MYCBP: variants seen among roughly 807,000 people sequenced by gnomAD.
MYCBP encodes the protein C-Myc-binding protein.
In MYCBP, 5 loss-of-function variants were observed where a neutral mutation model predicts 16.8. The observed-to-expected ratio is 0.30, with a 90% CI of 0.16 to 0.63. The LOEUF (loss-of-function observed/expected upper bound fraction) is 0.63, where lower values mean the gene tolerates loss of function less well. Ranked by LOEUF, MYCBP falls within the 20% of genes least tolerant of loss-of-function variation. The pLI, the probability that MYCBP is intolerant of heterozygous loss-of-function variation, is 0.83. For missense variants in MYCBP, 103 were observed against 121.8 expected (o/e 0.85, Z 0.73); for synonymous variants, 35 against 43.7 (o/e 0.80, Z 0.79).
chr1:38,872,083 T>C (rs1642477959), intron 2 of MYCBP, among the ~76,000 whole-genome samples: 1 of 152,188 alleles, frequency 6.6e-6, no homozygotes, highest in Non-Finnish European at 1.5e-5. Flanking sequence ...TTACTAGCCT[T>C]CTTTCTTCTA....
chr1:38,862,765 G>T lies in MYCBP; in HGVS notation c.*1905C>A, dbSNP rs1277007864. Among the ~76,000 whole-genome samples, 3 of 152,190 alleles carry T rather than the reference G, an allele frequency of 2.0e-5. No individual in the cohort carries two copies. The highest frequency in any genetic ancestry group is 7.2e-5 in the African/African-American group (3 of 41,446). On this transcript the variant is annotated 3_prime_UTR_variant, in exon 5 of 5. Coordinates refer to ENST00000397572, the MANE Select transcript of MYCBP (RefSeq NM_012333.5). ...TTAAGCAAGTCAGTTTCACCTAAAA[G>T]TGTGATTATCCAACCCACATGTTGC...
rs745407391 is a variant in MYCBP, at chr1:38,864,706, C to T, written c.276G>A (p.Gln92=). 8.7e-6 allele frequency: 14 copies of T among 1,613,850 alleles called. No homozygotes were observed. The highest frequency in any genetic ancestry group is 1.7e-5 in the Admixed American group (1 of 60,020). Reference sequence around the variant, plus strand: ...GCTTCTCCTCCTGAGGTGGTTCATACTGAGCAAGCTATGGGGCAAAGACAG... The same window carrying T: ...GCTTCTCCTCCTGAGGTGGTTCATATTGAGCAAGCTATGGGGCAAAGACAG... The part of the protein sequence containing the change: ...ENKKLKAKLA[Q]YEPPQEEKRA... The change falls in exon 5 of 5, where the codon CAG becomes CAA. Residue 92 remains glutamine (Q), a synonymous_variant. Coordinates refer to ENST00000397572, the MANE Select transcript of MYCBP (RefSeq NM_012333.5).
rs1381292401 is a variant in MYCBP, at chr1:38,864,622, C to G, written c.*48G>C. ...AAGATTATATACTATACAAACTATT[C>G]AAGTCATACAAAACCATTTTTCATT... On this transcript the variant is annotated 3_prime_UTR_variant, in exon 5 of 5. Transcript: ENST00000397572. 2.5e-6 allele frequency: 4 copies of G among 1,577,538 alleles called. No individual in the cohort carries two copies. Among genetic ancestry groups the G allele is most frequent in the Non-Finnish European group, 3.5e-6 (4 of 1,146,850 alleles).
At chr1:38,869,509 G>C (rs1642415414) in intron 2 of MYCBP, among the ~76,000 whole-genome samples, 1 of 152,170 alleles carries the variant, frequency 6.6e-6, no homozygotes, top group Non-Finnish European at 1.5e-5. Flanking sequence ...AGTTGCAGAA[G>C]ATACTGTAAA....
intron 2 of MYCBP, among the ~76,000 whole-genome samples, chr1:38,868,854 C>A (rs895226609): frequency 6.6e-6 from 1 of 151,838 alleles, no homozygotes; most frequent in African/African-American, 2.4e-5. Context: ...TGCAGTGAGC[C>A]GAGATCGTGC....
In MYCBP at chr1:38,866,770, A is replaced by G. The variant is rs543703629; in HGVS notation, c.267+110T>C. ...TTTGGCCTTACATTGTAATTAATTCAAATTGATATTCACCCACCTCCCTCC... is the reference window on the plus strand; with the variant it reads ...TTTGGCCTTACATTGTAATTAATTCGAATTGATATTCACCCACCTCCCTCC... On this transcript the variant is annotated intron_variant, in intron 4 of 4. Transcript: ENST00000397572. 9.7e-5 allele frequency: 90 copies of G among 926,732 alleles called. 1 individual carries two copies. In the African/African-American group the frequency reaches 1.3e-3, roughly 14 times the overall value. The allele number at this position is 926,732 out of a possible 1,614,324, so 57.4% of individuals were successfully genotyped here.
At chr1:38,865,523 C>T (rs955592319) in intron 4 of MYCBP, among the ~76,000 whole-genome samples, 4 of 152,142 alleles carry the variant, frequency 2.6e-5, no homozygotes, top group Non-Finnish European at 5.9e-5. Flanking sequence ...AAAAAACTGG[C>T]TGGGTGAGGT....
chr1:38,866,044 CTTTT>C (rs71057153), intron 4 of MYCBP, among the ~76,000 whole-genome samples: 5 of 65,716 alleles, frequency 7.6e-5, no homozygotes, highest in East Asian at 8.6e-4. Flanking sequence ...CTAAGAACCT[CTTTT>C]TTTTTTTTTT....
chr1:38,867,744 C>A, intron 2 of MYCBP, 134 bp from the exon 3 acceptor site: 1 of 731,584 alleles, frequency 1.4e-6, no homozygotes, highest in Non-Finnish European at 2.4e-6. Context: ...CAATGCTGAA[C>A]AAGACAGACA....
At chr1:38,872,953 G>C in intron 2 of MYCBP, 65 bp downstream of exon 2, 1 of 1,524,414 alleles carries the variant, frequency 6.6e-7, no homozygotes, top group East Asian at 2.5e-5. Flanking sequence ...CGGCCCGCTG[G>C]GGAACGGGGC....
At position 38,864,660 on chromosome 1, in the gene MYCBP, G is replaced by T. The variant is rs1240207792; in HGVS notation, c.*10C>A. On this transcript the variant is annotated 3_prime_UTR_variant, in exon 5 of 5. Coordinates refer to ENST00000397572, the MANE Select transcript of MYCBP (RefSeq NM_012333.5). The stretch of plus-strand genomic sequence containing the variant: ...ACCATTTTTCATTGTCTTTCAAACT[G>T]AGAAGAATCCTATTCAGCACGCTTC... 1 of 1,613,716 alleles carries T rather than the reference G, an allele frequency of 6.2e-7. No individual in the cohort carries two copies. The highest frequency in any genetic ancestry group is 1.7e-5 in the Admixed American group (1 of 60,018).
intron 4 of MYCBP, 41 bp downstream of exon 4, chr1:38,866,839 A>T: frequency 7.2e-7 from 1 of 1,387,662 alleles, no homozygotes; most frequent in East Asian, 2.5e-5. Flanking sequence ...CAATTATTAC[A>T]GGTAAAATTA....
Position 38,866,920 on chromosome 1 carries a change from T to A in MYCBP, c.227A>T (p.Tyr76Phe). The A allele has an allele frequency of 6.3e-7, 1 of 1,586,044 alleles. No individual in the cohort carries two copies. Among genetic ancestry groups the A allele is most frequent in the Non-Finnish European group, 8.6e-7 (1 of 1,167,468 alleles). The change falls in exon 4 of 5, where the codon TAT (tyrosine) becomes TTT (phenylalanine). Residue 76 changes from tyrosine (Y) to phenylalanine (F), a missense_variant. Tyr to Phe is a conservative substitution (Grantham distance 22, BLOSUM62 3). Coordinates refer to ENST00000397572, the MANE Select transcript of MYCBP (RefSeq NM_012333.5). ...RLELAEMKEKYEAIVEENKKL... is the reference protein window; with the variant it reads ...RLELAEMKEKFEAIVEENKKL... Reference sequence around the variant, plus strand: ...TTTATTTTCTTCTACAATAGCTTCATACTTCTCTTTCATTTCGGCCAGTTC... The same window carrying A: ...TTTATTTTCTTCTACAATAGCTTCAAACTTCTCTTTCATTTCGGCCAGTTC...
In MYCBP at chr1:38,873,324, G is replaced by C; in HGVS notation, c.-19C>G. On this transcript the variant is annotated 5_prime_UTR_variant, in exon 1 of 5. Coordinates refer to ENST00000397572, the MANE Select transcript of MYCBP (RefSeq NM_012333.5). The stretch of plus-strand genomic sequence containing the variant: ...GGGCCATAGTGACAGCGGCAGCGGC[G>C]TAGCTGGCGCCGGAGACCGCGACTG... 1 of 1,600,004 alleles carries C rather than the reference G, an allele frequency of 6.2e-7. No individual in the cohort carries two copies. The highest frequency in any genetic ancestry group is 8.5e-7 in the Non-Finnish European group (1 of 1,178,228).
At chr1:38,872,978 C>T in intron 2 of MYCBP, 40 bp downstream of exon 2, 3 of 1,550,698 alleles carry the variant, frequency 1.9e-6, no homozygotes, top group South Asian at 1.2e-5. Context: ...CCGGGGAGCA[C>T]GACGAGGGCA....
intron 3 of MYCBP, 85 bp from the exon 4 acceptor site, chr1:38,867,094 A>C: frequency 7.8e-7 from 1 of 1,274,754 alleles, no homozygotes; most frequent in South Asian, 1.3e-5. Flanking sequence ...CCCTGACCAG[A>C]GTCACCCACT....
At chr1:38,871,513 C>T (rs1160027319) in intron 2 of MYCBP, among the ~76,000 whole-genome samples, 10 of 146,028 alleles carry the variant, frequency 6.8e-5, no homozygotes, top group Admixed American at 5.0e-4. Flanking sequence ...ACCTCCTGGG[C>T]TCAGGTGATT....
chr1:38,873,194 C>T, intron 1 of MYCBP, 97 bp downstream of exon 1: 2 of 1,562,658 alleles, frequency 1.3e-6, no homozygotes, highest in South Asian at 1.2e-5. Flanking sequence ...TCGGGGCCCT[C>T]CCGCCCAAAC....
intron 2 of MYCBP, among the ~76,000 whole-genome samples, chr1:38,870,511 A>T (rs147534041): frequency 0.011 from 1,702 of 152,000 alleles, 39 homozygotes; most frequent in African/African-American, 0.037. Flanking sequence ...AAACAAATAG[A>T]GGCCGGGCGC....
Sources: allele counts gnomAD v4.1 joint callset (sites outside exome capture counted in the v4.1 genomes callset), GRCh38; gene constraint gnomAD v4.1.1; transcripts MANE v1.5; gene names NCBI Gene and HGNC (gene_info 2026-07-23, HGNC 2026-07-21).